The following KCNG3 variants were observed in gnomAD, a reference collection of about 807,000 sequenced individuals.
KCNG3 encodes potassium voltage-gated channel modifier subfamily G member 3, also known as voltage-gated potassium channel regulatory subunit KCNG3.
KCNG3 carries 15 observed loss-of-function variants against 29.0 expected under a neutral mutation model. The ratio of observed to expected loss-of-function variants is 0.52; its 90% CI spans 0.35 to 0.80. The LOEUF is 0.80. KCNG3 is among the 30% of genes least tolerant of loss of function. KCNG3 has a pLI of 0.01. For synonymous variants in KCNG3, 322 were observed against 248.9 expected, an observed-to-expected ratio of 1.29 and a Z score of -2.76; for missense variants, 512 against 605.7, an observed-to-expected ratio of 0.85 and a Z score of 1.62.
intron 1 of KCNG3, among the ~76,000 whole-genome samples, chr2:42,474,459 C>T (rs1006109162): frequency 6.6e-6 from 1 of 152,074 alleles, no homozygotes; most frequent in African/African-American, 2.4e-5. Context: ...ACCCAGGAGG[C>T]GCAGGTTGCA....
the KCNG3 span, among the ~76,000 whole-genome samples, chr2:42,401,265 T>TATAC: frequency 1.3e-5 from 2 of 150,176 alleles, no homozygotes; most frequent in East Asian, 3.9e-4. Context: ...ATAATATGTG[T>TATAC]ATACATCCAC....
intron 1 of KCNG3, among the ~76,000 whole-genome samples, chr2:42,477,741 T>C (rs1182325157): frequency 6.6e-6 from 1 of 151,866 alleles, no homozygotes; most frequent in East Asian, 2.0e-4. Flanking sequence ...TAGCCAAGCA[T>C]GGTAGTGCAT....
chr2:42,433,382 T>C, the KCNG3 span, among the ~76,000 whole-genome samples: 2 of 152,054 alleles, frequency 1.3e-5, no homozygotes, highest in South Asian at 2.1e-4. Context: ...TTCCAGAAAC[T>C]GGTGTGTGAG....
At chr2:42,488,068 A>G (rs116713809) in intron 1 of KCNG3, among the ~76,000 whole-genome samples, 2,157 of 152,302 alleles carry the variant, frequency 0.014, 40 homozygotes, top group African/African-American at 0.049. Context: ...CAAACCAAAA[A>G]CTAGTAACTT....
chr2:42,481,237 G>C (rs1036550632), intron 1 of KCNG3, among the ~76,000 whole-genome samples: 3 of 152,150 alleles, frequency 2.0e-5, no homozygotes, highest in Admixed American at 2.0e-4. Context: ...CATACCATGA[G>C]GCCAGAGGCT....
chr2:42,411,196 T>C, the KCNG3 span, among the ~76,000 whole-genome samples: 2 of 152,234 alleles, frequency 1.3e-5, no homozygotes, highest in Non-Finnish European at 2.9e-5. Flanking sequence ...GCTAAGTGTT[T>C]TAAGATCTGG....
At chr2:42,477,894 A>T (rs13023444) in intron 1 of KCNG3, among the ~76,000 whole-genome samples, 6,163 of 17,188 alleles carry the variant, frequency 0.36, 580 homozygotes, top group Admixed American at 0.56. Context: ...ATATATATAT[A>T]TTTTTTTGAG....
At chr2:42,446,992 G>A (rs1397594383) in intron 1 of KCNG3, among the ~76,000 whole-genome samples, 1 of 151,336 alleles carries the variant, frequency 6.6e-6, no homozygotes, top group Non-Finnish European at 1.5e-5. Context: ...AATGAGGCAG[G>A]AGGATTGCTT....
chr2:42,399,354 C>T, the KCNG3 span, among the ~76,000 whole-genome samples: 2 of 152,192 alleles, frequency 1.3e-5, no homozygotes, highest in Non-Finnish European at 2.9e-5. Flanking sequence ...CCACCGCGCC[C>T]GGCCTGTCCT....
chr2:42,439,451 C>G (rs1672429247), downstream of KCNG3, among the ~76,000 whole-genome samples: 1 of 151,484 alleles, frequency 6.6e-6, no homozygotes, highest in Non-Finnish European at 1.5e-5. Flanking sequence ...TTAGTAGAGA[C>G]AGGGTTTCGC....
intron 1 of KCNG3, among the ~76,000 whole-genome samples, chr2:42,477,396 C>CATATAT (rs1558386634): frequency 2.2e-5 from 1 of 44,680 alleles, no homozygotes; most frequent in African/African-American, 5.6e-5. Flanking sequence ...TATACACACA[C>CATATAT]ACACACACAC....
At chr2:42,417,470 A>G in the KCNG3 span, among the ~76,000 whole-genome samples, 1 of 151,714 alleles carries the variant, frequency 6.6e-6, no homozygotes, top group Non-Finnish European at 1.5e-5. Context: ...ACAGGCACGC[A>G]CTAACACACT....
At chr2:42,393,189 G>A in the KCNG3 span, among the ~76,000 whole-genome samples, 2 of 150,922 alleles carry the variant, frequency 1.3e-5, no homozygotes, top group African/African-American at 4.9e-5. Context: ...AACAGTACTT[G>A]ACATGCAATA....
chr2:42,481,156 C>G (rs1316453696), intron 1 of KCNG3, among the ~76,000 whole-genome samples: 1 of 152,210 alleles, frequency 6.6e-6, no homozygotes, highest in Non-Finnish European at 1.5e-5. Flanking sequence ...GGGTTATAGT[C>G]TGCCCACCCC....
chr2:42,445,011 G>A (rs1383933857), intron 1 of KCNG3, among the ~76,000 whole-genome samples: 2 of 149,564 alleles, frequency 1.3e-5, no homozygotes, highest in African/African-American at 2.5e-5. Flanking sequence ...AGGCCAGAGT[G>A]AGCCATGACT....
At chr2:42,486,610 G>C (rs1368395472) in intron 1 of KCNG3, among the ~76,000 whole-genome samples, 1 of 152,182 alleles carries the variant, frequency 6.6e-6, no homozygotes, top group Non-Finnish European at 1.5e-5. Flanking sequence ...CTGTCCTGTA[G>C]ACAAGCCCAG....
At chr2:42,415,993 G>A in the KCNG3 span, among the ~76,000 whole-genome samples, 4 of 151,848 alleles carry the variant, frequency 2.6e-5, no homozygotes, top group African/African-American at 4.8e-5. Flanking sequence ...TCAGGAGTTC[G>A]AGGCTAGGCT....
chr2:42,475,519 G>A (rs1054809482), intron 1 of KCNG3, among the ~76,000 whole-genome samples: 11 of 151,100 alleles, frequency 7.3e-5, no homozygotes, highest in African/African-American at 2.7e-4. Context: ...TTGTAGACAC[G>A]GGATTTCGCC....
downstream of KCNG3, among the ~76,000 whole-genome samples, chr2:42,441,594 T>A (rs1015097889): frequency 6.6e-6 from 1 of 151,914 alleles, no homozygotes; most frequent in Admixed American, 6.6e-5. Context: ...CCCAACATGC[T>A]TCTTTATGAA....
Sources: allele counts gnomAD v4.1 joint callset (sites outside exome capture counted in the v4.1 genomes callset), GRCh38; gene constraint gnomAD v4.1.1; transcripts MANE v1.5; gene names NCBI Gene and HGNC (gene_info 2026-07-23, HGNC 2026-07-21).